Variants in MBOAT1 observed in about 807,000 individuals in gnomAD.
The protein encoded by MBOAT1 is membrane-bound glycerophospholipid O-acyltransferase 1.
In MBOAT1, 67 loss-of-function variants were observed where a neutral mutation model predicts 64.4. The observed-to-expected ratio is 1.04, with a 90% CI of 0.85 to 1.27. The LOEUF is 1.27. Among genes scored for constraint, MBOAT1 ranks in the 50% most tolerant of loss-of-function variants. The pLI, the probability that MBOAT1 is intolerant of heterozygous loss-of-function variation, is 0.00. For synonymous variants in MBOAT1, 229 were observed against 218.9 expected, an observed-to-expected ratio of 1.05 and a Z score of -0.41; for missense variants, 563 against 604.6, an observed-to-expected ratio of 0.93 and a Z score of 0.72.
At chr6:20,134,407 AATG>A (rs1489763989) in intron 4 of MBOAT1, among the ~76,000 whole-genome samples, 1 of 152,190 alleles carries the variant, frequency 6.6e-6, no homozygotes, top group African/African-American at 2.4e-5. Context: ...CTATGGGTAA[AATG>A]TTGTCCCACA....
chr6:20,114,431 A>C (rs1253605267), intron 10 of MBOAT1, among the ~76,000 whole-genome samples: 1 of 152,238 alleles, frequency 6.6e-6, no homozygotes, highest in Non-Finnish European at 1.5e-5. Flanking sequence ...ACAAAAATAT[A>C]AATTTTAAAA....
chr6:20,118,737 T>A (rs1760408616), intron 8 of MBOAT1, among the ~76,000 whole-genome samples, 197 bp from the exon 9 acceptor site: 1 of 152,236 alleles, frequency 6.6e-6, no homozygotes, highest in African/African-American at 2.4e-5. Context: ...ACCTTGATTT[T>A]TATGCATTCA....
At chr6:20,140,842 C>G (rs1761148297) in intron 4 of MBOAT1, among the ~76,000 whole-genome samples, 1 of 152,220 alleles carries the variant, frequency 6.6e-6, no homozygotes, top group African/African-American at 2.4e-5. Context: ...ATACATACAA[C>G]TGCAATAAAC....
Position 20,191,541 on chromosome 6 carries a change from C to T in MBOAT1, c.99+20595G>A, listed in dbSNP as rs903186567. 2.6e-5 allele frequency among the ~76,000 whole-genome samples: 4 copies of T among 152,146 alleles called. No individual in the cohort carries two copies. In the East Asian group the frequency reaches 7.7e-4, roughly 29 times the overall value. The stretch of plus-strand genomic sequence containing the variant: ...CAGTGTCCCTCCTAAAAGTTAACAC[C>T]CAGCTTTAAGCCACTGAACACTTGG... On this transcript the variant is annotated intron_variant, in intron 1 of 12. Coordinates refer to ENST00000324607, the MANE Select transcript of MBOAT1 (RefSeq NM_001080480.3).
At chr6:20,175,033 T>G (rs1478524468) in intron 1 of MBOAT1, among the ~76,000 whole-genome samples, 1 of 152,176 alleles carries the variant, frequency 6.6e-6, no homozygotes, top group East Asian at 1.9e-4. Flanking sequence ...GAAAAGCCAC[T>G]GTCTGGTAGA....
chr6:20,160,262 A>G (rs1056657645), intron 1 of MBOAT1, among the ~76,000 whole-genome samples: 2 of 152,214 alleles, frequency 1.3e-5, no homozygotes, highest in Non-Finnish European at 2.9e-5. Context: ...TACTCTTCCA[A>G]CAAAACAGCA....
rs563960628 is a variant in MBOAT1, at chr6:20,109,675, G to A, written c.1284C>T (p.Ala428=). 2.5e-6 allele frequency: 4 copies of A among 1,614,056 alleles called. No homozygotes were observed. Among genetic ancestry groups the A allele is most frequent in the African/African-American group, 2.7e-5 (2 of 74,928 alleles). Residue 428 remains alanine (A), a synonymous_variant, in exon 12 of 13, where the codon GCC becomes GCT. Transcript: ENST00000324607. ...LKAVYDAGTW[A]VTQLAVSYTV... is the part of the protein sequence containing the mutation. The stretch of plus-strand genomic sequence containing the variant: ...TGTAAGAGACAGCCAGCTGAGTGAC[G>A]GCCCAGGTGCCTGCATCATACACAG...
At chr6:20,142,403 CATT>C (rs976806829) in intron 4 of MBOAT1, among the ~76,000 whole-genome samples, 5 of 152,108 alleles carry the variant, frequency 3.3e-5, no homozygotes, top group Admixed American at 6.6e-5. Flanking sequence ...ATTTTGTTAT[CATT>C]GTTGTTCCTA....
intron 1 of MBOAT1, among the ~76,000 whole-genome samples, chr6:20,183,221 T>C (rs1762558825): frequency 6.6e-6 from 1 of 151,878 alleles, no homozygotes; most frequent in Admixed American, 6.5e-5. Flanking sequence ...TGGTATGATC[T>C]ACCTGGAAAA....
At chr6:20,211,850 A>G (rs1340009591) in intron 1 of MBOAT1, among the ~76,000 whole-genome samples, 1 of 152,200 alleles carries the variant, frequency 6.6e-6, no homozygotes, top group African/African-American at 2.4e-5. Flanking sequence ...TGATTACAGG[A>G]AACGAGGCAA....
chr6:20,126,844 G>A (rs765379098), intron 6 of MBOAT1, 144 bp from the exon 7 acceptor site: 6 of 692,220 alleles, frequency 8.7e-6, no homozygotes, highest in Admixed American at 3.1e-5. Flanking sequence ...AAAGTCAGCC[G>A]AGGAGAAATC....
chr6:20,208,144 T>G (rs780578270), intron 1 of MBOAT1, among the ~76,000 whole-genome samples: 1 of 152,004 alleles, frequency 6.6e-6, no homozygotes, highest in African/African-American at 2.4e-5. Flanking sequence ...CAGATCCAGG[T>G]AGGTAAAGAA....
Position 20,131,136 on chromosome 6 carries a change from G to C in MBOAT1, c.475+8C>G, listed in dbSNP as rs1760814873. ...TCTGAGAACCAAAAGGAGGGCTGCT[G>C]TTCTTACCATCATGAACCTGGAATG... On this transcript the variant is annotated splice_region_variant and intron_variant, in intron 5 of 12. Coordinates refer to ENST00000324607, the MANE Select transcript of MBOAT1 (RefSeq NM_001080480.3). 1 of 1,612,916 alleles carries C rather than the reference G, an allele frequency of 6.2e-7. No individual in the cohort carries two copies. The highest frequency in any genetic ancestry group is 8.5e-7 in the Non-Finnish European group (1 of 1,179,060).
intron 1 of MBOAT1, among the ~76,000 whole-genome samples, chr6:20,186,976 G>A (rs116132562): frequency 0.021 from 3,123 of 152,284 alleles, 37 homozygotes; most frequent in Non-Finnish European, 0.029. Flanking sequence ...AGGTGGAAAT[G>A]TTTATTGCAA....
intron 1 of MBOAT1, among the ~76,000 whole-genome samples, chr6:20,210,540 C>G (rs2113782397): frequency 6.6e-6 from 1 of 152,234 alleles, no homozygotes; most frequent in African/African-American, 2.4e-5. Flanking sequence ...TGCTCCTGGC[C>G]ATGGCAAACA....
At chr6:20,189,516 T>A (rs1762744890) in intron 1 of MBOAT1, among the ~76,000 whole-genome samples, 1 of 152,192 alleles carries the variant, frequency 6.6e-6, no homozygotes, top group African/African-American at 2.4e-5. Context: ...TCATCCTGCT[T>A]CAGCTTCCCA....
At chr6:20,204,195 T>C (rs937194980) in intron 1 of MBOAT1, among the ~76,000 whole-genome samples, 2 of 152,198 alleles carry the variant, frequency 1.3e-5, no homozygotes, top group Non-Finnish European at 2.9e-5. Context: ...CTAAAGTAGC[T>C]GCTCCCAGGA....
intron 6 of MBOAT1, among the ~76,000 whole-genome samples, chr6:20,127,168 C>T (rs1022731906): frequency 6.6e-6 from 1 of 152,116 alleles, no homozygotes; most frequent in African/African-American, 2.4e-5. Context: ...TGAAAGAGGC[C>T]ACGCAGAAGA....
intron 1 of MBOAT1, among the ~76,000 whole-genome samples, chr6:20,168,914 A>G (rs935652131): frequency 2.4e-5 from 3 of 125,018 alleles, no homozygotes; most frequent in African/African-American, 8.7e-5. Context: ...GGTTTTCCCA[A>G]TGGGTAAAAT....
Sources: allele counts gnomAD v4.1 joint callset (sites outside exome capture counted in the v4.1 genomes callset), GRCh38; gene constraint gnomAD v4.1.1; transcripts MANE v1.5; gene names NCBI Gene and HGNC (gene_info 2026-07-23, HGNC 2026-07-21).